RASGEF1C: variants seen among roughly 807,000 people sequenced by gnomAD.
RASGEF1C encodes the protein ras-GEF domain-containing family member 1C.
Under a neutral mutation model 58.1 loss-of-function variants are expected in RASGEF1C, and 27 were observed. That is an observed-to-expected ratio of 0.46 (90% CI 0.34 to 0.64). RASGEF1C has a LOEUF of 0.64. RASGEF1C is among the 30% of genes least tolerant of loss of function. The probability of loss-of-function intolerance (pLI) is 0.01; values close to 1 mark genes in which losing one functional copy is unlikely to be tolerated. For missense variants in RASGEF1C, 502 were observed against 605.1 expected, an observed-to-expected ratio of 0.83 and a Z score of 1.79; for synonymous variants, 243 against 246.3, an observed-to-expected ratio of 0.99 and a Z score of 0.13.
At chr5:180,201,752 G>T (rs1251404577) in intron 1 of RASGEF1C, among the ~76,000 whole-genome samples, 1 of 152,206 alleles carries the variant, frequency 6.6e-6, no homozygotes, top group Non-Finnish European at 1.5e-5. Context: ...ACGAGATTAG[G>T]TCTCGAGGGC....
chr5:180,190,555 T>C (rs1756145870), intron 1 of RASGEF1C, among the ~76,000 whole-genome samples: 1 of 131,886 alleles, frequency 7.6e-6, no homozygotes, highest in Admixed American at 7.2e-5. Flanking sequence ...GGTACATGCC[T>C]GTGGCCCCAA....
At chr5:180,124,481 C>T (rs1226444349) in intron 6 of RASGEF1C, among the ~76,000 whole-genome samples, 1 of 152,170 alleles carries the variant, frequency 6.6e-6, no homozygotes, top group Non-Finnish European at 1.5e-5. Context: ...ATAATGATTT[C>T]ATTTATCCCA....
In RASGEF1C at chr5:180,158,189, C is replaced by T. The variant is rs1358071164; in HGVS notation, c.-6-20131G>A. 6.6e-6 allele frequency among the ~76,000 whole-genome samples: 1 copy of T among 152,170 alleles called. No homozygotes were observed. The highest frequency in any genetic ancestry group is 2.4e-5 in the African/African-American group (1 of 41,420). On this transcript the variant is annotated intron_variant, in intron 1 of 13. Transcript: ENST00000361132. The surrounding 1 kb of genome is among the most constrained non-coding windows in gnomAD (Gnocchi z 4.0). ...GGGTCTTGGTGATGATCATCTACTT[C>T]CTAGCTCACGCTGCTGCAGTGGGGC...
chr5:180,111,948 TA>T (rs1436293545), intron 11 of RASGEF1C, among the ~76,000 whole-genome samples: 7 of 152,168 alleles, frequency 4.6e-5, no homozygotes, highest in African/African-American at 1.7e-4. Context: ...ATTTAATTTT[TA>T]AAAAAGGTGC....
At chr5:180,130,300 C>A (rs1180724510) in intron 4 of RASGEF1C, among the ~76,000 whole-genome samples, 1 of 152,172 alleles carries the variant, frequency 6.6e-6, no homozygotes, top group Non-Finnish European at 1.5e-5. Flanking sequence ...GCAGGGGGCC[C>A]ATGGAAGGAA....
intron 1 of RASGEF1C, among the ~76,000 whole-genome samples, chr5:180,142,311 G>A (rs763707771): frequency 6.6e-6 from 1 of 152,188 alleles, no homozygotes; most frequent in Non-Finnish European, 1.5e-5. Flanking sequence ...TAAATGCCCA[G>A]TGCTGGCAGG....
chr5:180,134,470 C>A (rs1464284212), intron 4 of RASGEF1C, among the ~76,000 whole-genome samples: 1 of 151,780 alleles, frequency 6.6e-6, no homozygotes, highest in African/African-American at 2.4e-5. Flanking sequence ...CACTGCTGAC[C>A]CTTGGTGGTC....
intron 1 of RASGEF1C, among the ~76,000 whole-genome samples, chr5:180,152,524 G>C (rs1209137433): frequency 2.8e-5 from 4 of 140,988 alleles, no homozygotes; most frequent in Non-Finnish European, 6.0e-5. Context: ...GAGAACACAT[G>C]GACACAGGAA....
intron 1 of RASGEF1C, among the ~76,000 whole-genome samples, chr5:180,204,057 T>C (rs968056791): frequency 2.0e-5 from 3 of 152,090 alleles, no homozygotes; most frequent in African/African-American, 7.2e-5. Context: ...AAGACAAAAG[T>C]TATACATAGC....
chr5:180,112,768 G>A (rs1765979848), intron 11 of RASGEF1C, among the ~76,000 whole-genome samples: 1 of 152,268 alleles, frequency 6.6e-6, no homozygotes, highest in African/African-American at 2.4e-5. Flanking sequence ...TTGGAGGTCA[G>A]GATACGGAGC....
chr5:180,189,646 G>A (rs1184033574), intron 1 of RASGEF1C, among the ~76,000 whole-genome samples: 3 of 152,134 alleles, frequency 2.0e-5, no homozygotes, highest in Non-Finnish European at 4.4e-5. Flanking sequence ...GGTGGCTCAC[G>A]CCTGGTGGCT....
intron 1 of RASGEF1C, among the ~76,000 whole-genome samples, chr5:180,151,743 C>T (rs1766748111): frequency 6.6e-6 from 1 of 151,934 alleles, no homozygotes; most frequent in African/African-American, 2.4e-5. Context: ...TAAAGAGCTT[C>T]TGCACAGCAA....
At position 180,189,431 on chromosome 5, in the gene RASGEF1C, A is replaced by T. The variant is rs1255009602; in HGVS notation, c.-7+19597T>A. Reference sequence around the variant, plus strand: ...TGGAAGAGCCAAAACTATTTTGAAAAAGTAGAACAAAGTTGAAGGGCTTAT... The same window carrying T: ...TGGAAGAGCCAAAACTATTTTGAAATAGTAGAACAAAGTTGAAGGGCTTAT... On this transcript the variant is annotated intron_variant, in intron 1 of 13. Coordinates refer to ENST00000361132, the MANE Select transcript of RASGEF1C (RefSeq NM_175062.4). Among the ~76,000 whole-genome samples, 4 of 152,250 alleles carry T rather than the reference A, an allele frequency of 2.6e-5. No homozygotes were observed. The East Asian group carries it at 5.8e-4, about 22-fold the overall frequency.
chr5:180,144,104 C>T (rs1015504485), intron 1 of RASGEF1C, among the ~76,000 whole-genome samples: 1 of 152,206 alleles, frequency 6.6e-6, no homozygotes, highest in Non-Finnish European at 1.5e-5. Context: ...CCCCCAAGGC[C>T]AGCACTCGCC....
intron 1 of RASGEF1C, among the ~76,000 whole-genome samples, chr5:180,173,779 G>A (rs371437213): frequency 6.6e-6 from 1 of 151,760 alleles, no homozygotes; most frequent in African/African-American, 2.4e-5. Flanking sequence ...TGGGCGTGGT[G>A]GTGGGCGCCT....
chr5:180,173,973 T>C (rs75840610), intron 1 of RASGEF1C, among the ~76,000 whole-genome samples: 2,212 of 148,530 alleles, frequency 0.015, 54 homozygotes, highest in African/African-American at 0.053. Context: ...ATCCATGACA[T>C]GGAGGCTCAG....
At chr5:180,125,509 G>C (rs1053319452) in intron 6 of RASGEF1C, among the ~76,000 whole-genome samples, 15 of 152,246 alleles carry the variant, frequency 9.9e-5, no homozygotes, top group Non-Finnish European at 2.2e-4. Context: ...CAGGCCGGGC[G>C]TGGTGGTTCA....
intron 1 of RASGEF1C, among the ~76,000 whole-genome samples, chr5:180,181,150 G>A (rs911852044): frequency 1.3e-5 from 2 of 152,236 alleles, no homozygotes; most frequent in Admixed American, 1.3e-4. Context: ...GTCAGGCAGT[G>A]CCTCCCCAGG....
chr5:180,104,809 GTGCTTT>G (rs1047654071), intron 12 of RASGEF1C, among the ~76,000 whole-genome samples: 149 of 152,294 alleles, frequency 9.8e-4, no homozygotes, highest in African/African-American at 3.6e-3. Context: ...GTGGTAATTT[GTGCTTT>G]TTAAGGAATT....
Sources: allele counts gnomAD v4.1 joint callset (sites outside exome capture counted in the v4.1 genomes callset), GRCh38; gene constraint gnomAD v4.1.1; non-coding constraint Gnocchi (gnomAD v3.1); transcripts MANE v1.5; gene names NCBI Gene and HGNC (gene_info 2026-07-23, HGNC 2026-07-21).